The following CERS5 variants were observed in gnomAD, a reference collection of about 807,000 sequenced individuals.
The protein encoded by CERS5 is ceramide synthase 5, also known as LAG1 homolog, ceramide synthase 5.
CERS5 carries 37 observed loss-of-function variants against 58.9 expected under a neutral mutation model. That is an observed-to-expected ratio of 0.63 (90% CI 0.48 to 0.83). CERS5 has a LOEUF of 0.83. Ranked by LOEUF, CERS5 falls within the 40% of genes least tolerant of loss-of-function variation. CERS5 has a pLI of 0.00. For missense variants in CERS5, 398 were observed against 489.3 expected, an observed-to-expected ratio of 0.81 and a Z score of 1.76; for synonymous variants, 147 against 177.8, an observed-to-expected ratio of 0.83 and a Z score of 1.38.
At position 50,129,951 on chromosome 12, in the gene CERS5, TC is replaced by T. The variant is rs1388744092; in HGVS notation, c.*593del. 2.0e-4 allele frequency: 30 copies of T among 152,320 alleles called. No homozygotes were observed. Among genetic ancestry groups the T allele is most frequent in the African/African-American group, 7.0e-4 (29 of 41,438 alleles). The allele number at this position is 152,320 out of a possible 1,614,324, so 9.4% of individuals were successfully genotyped here. On this transcript the variant is annotated 3_prime_UTR_variant, in exon 10 of 10. Coordinates refer to ENST00000317551, the MANE Select transcript of CERS5 (RefSeq NM_147190.5). ...GTAAAGAGCAGGGTATTGGCAGCTG[TC>T]CCTGTTGCTATCAGGTGATTGATAG...
intron 4 of CERS5, among the ~76,000 whole-genome samples, chr12:50,139,665 T>C (rs1951862030): frequency 6.6e-6 from 1 of 151,974 alleles, no homozygotes; most frequent in Admixed American, 6.6e-5. Context: ...TGGTGGCGTA[T>C]TCCTGTAGTC....
At chr12:50,150,537 G>T (rs74090082) in intron 1 of CERS5, among the ~76,000 whole-genome samples, 235 of 152,146 alleles carry the variant, frequency 1.5e-3, no homozygotes, top group African/African-American at 5.6e-3. Flanking sequence ...CAGAATATAC[G>T]AATACAAATG....
chr12:50,165,441 G>GA (rs58167504), intron 1 of CERS5: 43,396 of 145,176 alleles, frequency 0.3, 7,262 homozygotes, highest in East Asian at 0.74. Context: ...AAAAGAAAAA[G>GA]AAAAAAAAAA....
At position 50,135,891 on chromosome 12, in the gene CERS5, G is replaced by A. The variant is rs749783055; in HGVS notation, c.765+50C>T. The A allele has an allele frequency of 6.3e-6, 10 of 1,584,072 alleles. No homozygotes were observed. In the East Asian group the frequency reaches 2.0e-4, roughly 32 times the overall value. On this transcript the variant is annotated intron_variant, in intron 7 of 9. Coordinates refer to ENST00000317551, the MANE Select transcript of CERS5 (RefSeq NM_147190.5). ...GGGGAGAAAGTCATTCCTCACATAG[G>A]AAGAAAAGAAGAGAAGAAGAAGATG...
At chr12:50,155,506 G>C (rs1366258331) in intron 1 of CERS5, among the ~76,000 whole-genome samples, 1 of 151,890 alleles carries the variant, frequency 6.6e-6, no homozygotes, top group East Asian at 1.9e-4. Context: ...GGAGGCTGAG[G>C]CAGGTGGATC....
intron 1 of CERS5, chr12:50,153,829 C>G (rs1938259420): frequency 2.4e-6 from 1 of 410,800 alleles, no homozygotes; most frequent in Non-Finnish European, 4.8e-6. Flanking sequence ...TGGCGCATAC[C>G]CATAATCCCA....
chr12:50,157,182 G>GTTT (rs1938752835), intron 1 of CERS5, among the ~76,000 whole-genome samples: 3 of 152,048 alleles, frequency 2.0e-5, no homozygotes, highest in Non-Finnish European at 2.9e-5. Flanking sequence ...AAGCTCTTCA[G>GTTT]TTTTGGGACT....
At chr12:50,144,853 A>G in intron 1 of CERS5, 1 of 1,421,150 alleles carries the variant, frequency 7.0e-7, no homozygotes, top group Non-Finnish European at 9.4e-7. Context: ...AAGAATAAAA[A>G]AGCCGGGCGT....
At chr12:50,145,814 T>C (rs1436789677) in intron 1 of CERS5, among the ~76,000 whole-genome samples, 2 of 152,220 alleles carry the variant, frequency 1.3e-5, no homozygotes, top group Non-Finnish European at 2.9e-5. Context: ...TGCTTTTATA[T>C]TTACCAAGGT....
At position 50,141,833 on chromosome 12, in the gene CERS5, G is replaced by A. The variant is rs112395438; in HGVS notation, c.492+220C>T. On this transcript the variant is annotated intron_variant, in intron 4 of 9. Coordinates refer to ENST00000317551, the MANE Select transcript of CERS5 (RefSeq NM_147190.5). ...GTGCACCTGTAGTCCCAGCTACTCG[G>A]GAGGCTGAGGCAAGAGAATCTCTTG... 9.9e-3 allele frequency among the ~76,000 whole-genome samples: 1,509 copies of A among 151,706 alleles called. 20 individuals are homozygous for A. Among genetic ancestry groups the A allele is most frequent in the African/African-American group, 0.034 (1,424 of 41,354 alleles).
At chr12:50,138,970 A>C (rs948989202) in intron 4 of CERS5, among the ~76,000 whole-genome samples, 10 of 152,198 alleles carry the variant, frequency 6.6e-5, no homozygotes, top group Non-Finnish European at 1.3e-4. Flanking sequence ...TCTCTAATGG[A>C]ATAATGATTA....
chr12:50,135,921 AAG>A lies in CERS5; in HGVS notation c.765+18_765+19del, dbSNP rs1404384279. 15 of 1,563,188 alleles carry A rather than the reference AAG, an allele frequency of 9.6e-6. No homozygotes were observed. Among genetic ancestry groups the A allele is most frequent in the Non-Finnish European group, 1.3e-5 (15 of 1,158,934 alleles). On this transcript the variant is annotated intron_variant, in intron 7 of 9. Transcript: ENST00000317551. ...AAAGAAGAGAAGAAGAAGATGGAGA[AAG>A]AGAGATTGGGTTTTTACCTCCAGCA...
At chr12:50,148,946 ATGTGTGTGTGTG>A (rs1185465965) in intron 1 of CERS5, among the ~76,000 whole-genome samples, 1 of 103,152 alleles carries the variant, frequency 9.7e-6, no homozygotes, top group African/African-American at 4.0e-5. Flanking sequence ...ATATATATAT[ATGTGTGTGTGTG>A]TGTGTGTGTG....
intron 1 of CERS5, among the ~76,000 whole-genome samples, chr12:50,157,824 C>T (rs1169910878): frequency 3.3e-5 from 5 of 152,126 alleles, no homozygotes; most frequent in African/African-American, 1.2e-4. Flanking sequence ...AATCTCAGCA[C>T]TTTGGAAGGC....
intron 1 of CERS5, chr12:50,148,670 G>T: frequency 4.3e-6 from 1 of 234,984 alleles, no homozygotes; most frequent in South Asian, 3.5e-5. Flanking sequence ...GTTGAGGCAG[G>T]CTGATCACTT....
Position 50,135,968 on chromosome 12 carries a change from T to C in CERS5, c.738A>G (p.Leu246=). The C allele has an allele frequency of 6.5e-7, 1 of 1,534,430 alleles. No individual in the cohort carries two copies. The change falls in exon 7 of 10, where the codon CTA becomes CTG. Residue 246 remains leucine (L), a synonymous_variant. Transcript: ENST00000317551. The stretch of plus-strand genomic sequence containing the variant: ...CCAGCAAGAAGTCTGAGACATCATG[T>C]AGACACATGATCAGAGTTCCCACTC... ...MVRVGTLIMC[L]HDVSDFLLEA... is the part of the protein sequence containing the mutation.
At chr12:50,162,195 T>TTA (rs1255577835) in intron 1 of CERS5, among the ~76,000 whole-genome samples, 1 of 148,736 alleles carries the variant, frequency 6.7e-6, no homozygotes, top group East Asian at 2.0e-4. Flanking sequence ...TTTTTTTTTT[T>TTA]TTTTTTTTTT....
intron 6 of CERS5, among the ~76,000 whole-genome samples, chr12:50,136,829 C>A (rs1011064291): frequency 6.6e-6 from 1 of 152,170 alleles, no homozygotes; most frequent in African/African-American, 2.4e-5. Context: ...TCTCTAAATA[C>A]TTGAGTTATC....
In CERS5 at chr12:50,145,297, C is replaced by T. The variant is rs73301403; in HGVS notation, c.198-1240G>A. 2.6e-3 allele frequency among the ~76,000 whole-genome samples: 394 copies of T among 151,938 alleles called. 1 individual carries two copies. Among genetic ancestry groups the T allele is most frequent in the African/African-American group, 9.2e-3 (380 of 41,436 alleles). On this transcript the variant is annotated intron_variant, in intron 1 of 9. Coordinates refer to ENST00000317551, the MANE Select transcript of CERS5 (RefSeq NM_147190.5). ...AATCTTTGAAAATTGAGGAACTATTCCTTGGTTCTTCAAGAAAGATCTCAC... is the reference window on the plus strand; with the variant it reads ...AATCTTTGAAAATTGAGGAACTATTTCTTGGTTCTTCAAGAAAGATCTCAC...
Sources: gnomAD v4.1 joint callset for allele counts (sites outside exome capture counted in the v4.1 genomes callset) on GRCh38, gnomAD v4.1.1 for gene constraint, MANE v1.5 for transcripts, NCBI Gene and HGNC (gene_info 2026-07-23, HGNC 2026-07-21) for gene names.